The following ROR1 variants were observed in gnomAD, a reference collection of about 807,000 sequenced individuals.
The protein encoded by ROR1 is ROR family WNT receptor 1, also known as inactive tyrosine-protein kinase transmembrane receptor ROR1.
ROR1 carries 19 observed loss-of-function variants against 78.8 expected under a neutral mutation model. The observed-to-expected ratio is 0.24, with a 90% CI of 0.17 to 0.35. The LOEUF is 0.35. Ranked by LOEUF, ROR1 falls within the 10% of genes least tolerant of loss-of-function variation. The probability of loss-of-function intolerance (pLI) is 1.00; values close to 1 mark genes in which losing one functional copy is unlikely to be tolerated. For missense variants in ROR1, 917 were observed against 1,177.8 expected, an observed-to-expected ratio of 0.78 and a Z score of 3.24; for synonymous variants, 386 against 433.6, an observed-to-expected ratio of 0.89 and a Z score of 1.36.
chr1:64,145,431 G>A (rs1243963621), intron 7 of ROR1, among the ~76,000 whole-genome samples: 1 of 152,164 alleles, frequency 6.6e-6, no homozygotes, highest in African/African-American at 2.4e-5. Flanking sequence ...TTATTATAGT[G>A]ACTTTACTTG....
At chr1:64,129,236 T>C (rs1648827957) in intron 4 of ROR1, among the ~76,000 whole-genome samples, 1 of 152,124 alleles carries the variant, frequency 6.6e-6, no homozygotes, top group Non-Finnish European at 1.5e-5. Flanking sequence ...AAGATGAAAT[T>C]AAAACCCTTC....
chr1:63,866,188 A>T (rs542949070), intron 1 of ROR1, among the ~76,000 whole-genome samples: 1 of 152,158 alleles, frequency 6.6e-6, no homozygotes, highest in African/African-American at 2.4e-5. Flanking sequence ...TGTTAAATTG[A>T]TGGAGCTTAC....
intron 1 of ROR1, among the ~76,000 whole-genome samples, chr1:63,904,801 G>A (rs1038187482): frequency 6.6e-6 from 1 of 152,184 alleles, no homozygotes; most frequent in Non-Finnish European, 1.5e-5. Context: ...GTAAGCCAAG[G>A]AGGGAAGCTT....
intron 4 of ROR1, among the ~76,000 whole-genome samples, chr1:64,121,532 G>T (rs193252064): frequency 6.6e-6 from 1 of 152,338 alleles, no homozygotes; most frequent in East Asian, 1.9e-4. Context: ...CAATGTAGTA[G>T]ACCCAGCAGT....
At position 63,971,638 on chromosome 1, in the gene ROR1, A is replaced by T. The variant is rs564861307; in HGVS notation, c.92-37667A>T. 1.1e-4 allele frequency among the ~76,000 whole-genome samples: 17 copies of T among 152,296 alleles called. No homozygotes were observed. In the South Asian group the frequency reaches 3.5e-3, roughly 32 times the overall value. On this transcript the variant is annotated intron_variant, in intron 1 of 8. Coordinates refer to ENST00000371079, the MANE Select transcript of ROR1 (RefSeq NM_005012.4). ...TTGAAAGGTTTTCATAAATCTTGTA[A>T]AAGTTGGGCCAAGTTTAAAGATTGC...
intron 2 of ROR1, among the ~76,000 whole-genome samples, chr1:64,032,355 A>G (rs1646668546): frequency 6.6e-6 from 1 of 152,016 alleles, no homozygotes. Context: ...AAAAAAAAAA[A>G]AAAAAAAATG....
At chr1:63,808,128 G>A (rs575514719) in intron 1 of ROR1, among the ~76,000 whole-genome samples, 9 of 151,862 alleles carry the variant, frequency 5.9e-5, no homozygotes, top group African/African-American at 1.7e-4. Flanking sequence ...ACCTGGGCAC[G>A]TTTGCCAGCT....
At chr1:63,939,571 C>G (rs10489736) in intron 1 of ROR1, among the ~76,000 whole-genome samples, 10,878 of 152,156 alleles carry the variant, frequency 0.071, 457 homozygotes, top group Middle Eastern at 0.095. Flanking sequence ...AAACGAAATA[C>G]AAATGGGCTT....
At chr1:64,084,387 A>G (rs191070104) in intron 4 of ROR1, among the ~76,000 whole-genome samples, 1 of 152,222 alleles carries the variant, frequency 6.6e-6, no homozygotes, top group East Asian at 1.9e-4. Context: ...TTTATTATTG[A>G]TATTCTACAG....
chr1:63,983,194 A>AT (rs564032668), intron 1 of ROR1, among the ~76,000 whole-genome samples: 45 of 152,034 alleles, frequency 3.0e-4, no homozygotes, highest in Admixed American at 2.0e-4. Context: ...TCAGGGAGAG[A>AT]TTTTCTCACT....
At chr1:64,046,802 G>T (rs554269676) in intron 2 of ROR1, among the ~76,000 whole-genome samples, 1 of 152,340 alleles carries the variant, frequency 6.6e-6, no homozygotes, top group Non-Finnish European at 1.5e-5. Context: ...GGGCTTGGCA[G>T]CCAGAGAGAT....
Position 63,774,302 on chromosome 1 carries a change from G to A in ROR1, c.-116G>A, listed in dbSNP as rs1644597304. ...GACAAAGAGCTTTGCAGACGTCCCC[G>A]GCGTCCTGCGAGCGCCAGCGGCCGG... is the stretch of plus-strand genomic sequence containing the variant. On this transcript the variant is annotated 5_prime_UTR_variant, in exon 1 of 9. Transcript: ENST00000371079. The surrounding 1 kb of genome is among the most constrained non-coding windows in gnomAD (Gnocchi z 5.7). The A allele has an allele frequency of 5.6e-6, 3 of 532,858 alleles. No individual in the cohort carries two copies. The highest frequency in any genetic ancestry group is 4.1e-5 in the Admixed American group (1 of 24,522). The allele number at this position is 532,858 out of a possible 1,614,324, so 33.0% of individuals were successfully genotyped here.
intron 1 of ROR1, among the ~76,000 whole-genome samples, chr1:63,962,106 A>C (rs1415652792): frequency 1.3e-5 from 2 of 152,126 alleles, no homozygotes; most frequent in African/African-American, 4.8e-5. Context: ...CTAAAAATAC[A>C]AAAGTTATCT....
At chr1:63,897,366 G>A (rs1461688423) in intron 1 of ROR1, among the ~76,000 whole-genome samples, 2 of 152,208 alleles carry the variant, frequency 1.3e-5, no homozygotes, top group African/African-American at 4.8e-5. Context: ...ATACCCAGAC[G>A]AATAAGACAA....
chr1:64,000,074 T>C (rs1646370046), intron 1 of ROR1, among the ~76,000 whole-genome samples: 1 of 151,900 alleles, frequency 6.6e-6, no homozygotes, highest in African/African-American at 2.4e-5. Context: ...ACGTGGGCCA[T>C]ACAAAGGGGA....
chr1:63,791,993 G>A (rs1049160203), intron 1 of ROR1, among the ~76,000 whole-genome samples: 13 of 152,126 alleles, frequency 8.5e-5, no homozygotes, highest in African/African-American at 3.1e-4. Context: ...CCTGGTCATG[G>A]AGGAGTCAGG....
At chr1:63,813,608 A>C (rs1055976416) in intron 1 of ROR1, among the ~76,000 whole-genome samples, 3 of 152,210 alleles carry the variant, frequency 2.0e-5, no homozygotes, top group Non-Finnish European at 4.4e-5. Flanking sequence ...TTGTGGAATT[A>C]TGCTGTGGCC....
At position 64,024,810 on chromosome 1, in the gene ROR1, C is replaced by CA. The variant is rs758500170; in HGVS notation, c.163+15441dup. Among the ~76,000 whole-genome samples, 33 of 151,670 alleles carry CA rather than the reference C, an allele frequency of 2.2e-4. 2 individuals carry two copies. The highest frequency in any genetic ancestry group is 1.1e-3 in the Admixed American group (17 of 15,246). ...TCTTGGTTGTTGTCAATTTTAAAAG[C>CA]AAAAAAATGGTATGTCATTGTTATT... On this transcript the variant is annotated intron_variant, in intron 2 of 8. Transcript: ENST00000371079.
intron 2 of ROR1, among the ~76,000 whole-genome samples, chr1:64,026,065 A>T (rs755358697): frequency 6.6e-6 from 1 of 152,096 alleles, no homozygotes; most frequent in Non-Finnish European, 1.5e-5. Context: ...CTTAAGTGAC[A>T]TTACACAAGA....
Sources: allele counts gnomAD v4.1 joint callset (sites outside exome capture counted in the v4.1 genomes callset), GRCh38; gene constraint gnomAD v4.1.1; non-coding constraint Gnocchi (gnomAD v3.1); transcripts MANE v1.5; gene names NCBI Gene and HGNC (gene_info 2026-07-23, HGNC 2026-07-21).